Variants in SLC9C1 observed in about 807,000 individuals in gnomAD.
SLC9C1 encodes the protein sodium/hydrogen exchanger 10.
Under a neutral mutation model 140.9 loss-of-function variants are expected in SLC9C1, and 97 were observed. That is an observed-to-expected ratio of 0.69 (90% CI 0.58 to 0.82). SLC9C1 has a LOEUF of 0.82. SLC9C1 is among the 40% of genes least tolerant of loss of function. SLC9C1 has a pLI of 0.00. For missense variants in SLC9C1, 1,340 were observed against 1,389.3 expected (o/e 0.96, Z 0.56); for synonymous variants, 440 against 442.6 (o/e 0.99, Z 0.07).
At chr3:112,193,510 G>A (rs1020311085) in intron 20 of SLC9C1, among the ~76,000 whole-genome samples, 1 of 152,170 alleles carries the variant, frequency 6.6e-6, no homozygotes, top group Non-Finnish European at 1.5e-5. Flanking sequence ...GTAACTTGGG[G>A]CTCTTTCTTG....
At chr3:112,248,856 CA>C (rs1450673987) in intron 10 of SLC9C1, among the ~76,000 whole-genome samples, 3 of 152,052 alleles carry the variant, frequency 2.0e-5, no homozygotes, top group Non-Finnish European at 4.4e-5. Context: ...CTCTATTTCA[CA>C]AAAAGTTTTC....
In SLC9C1 at chr3:112,221,177, C is replaced by G. The variant is rs1393954045; in HGVS notation, c.1621G>C (p.Val541Leu). ...YRNEILSQSA[V>L]QVLVGAAESF... ...TCTGCTGCACCAACCAACACCTGGA[C>G]AGCACTCTGGGACAGAATCTCATTC... The change falls in exon 14 of 29, where the codon GTC becomes CTC. Residue 541 changes from valine (V) to leucine (L), a missense_variant. Physicochemically the swap from Val to Leu is conservative, Grantham distance 32. Transcript: ENST00000305815. 6.2e-7 allele frequency: 1 copy of G among 1,613,630 alleles called. No individual in the cohort carries two copies. The highest frequency in any genetic ancestry group is 1.7e-5 in the Admixed American group (1 of 59,948).
chr3:112,182,283 G>T, intron 20 of SLC9C1, 25 bp from the exon 21 acceptor site: 1 of 1,585,412 alleles, frequency 6.3e-7, no homozygotes, highest in Non-Finnish European at 8.6e-7. Context: ...TTAAGAAAAG[G>T]GATGAACCAA....
chr3:112,185,950 G>T lies in SLC9C1; in HGVS notation c.2524-3692C>A, dbSNP rs1560041801. The T allele has an allele frequency of 3.2e-6, 5 of 1,563,482 alleles. No homozygotes were observed. In the South Asian group the frequency reaches 4.7e-5, roughly 15 times the overall value. ...TAGCCAGGCGGCAGCAGTAGCTTGG[G>T]GTGGTGGGCGACCAGCTCTCTGCTG... is the stretch of plus-strand genomic sequence containing the variant. On this transcript the variant is annotated intron_variant, in intron 20 of 28. Transcript: ENST00000305815.
chr3:112,149,561 T>G (rs757230113), intron 28 of SLC9C1, among the ~76,000 whole-genome samples: 2 of 152,098 alleles, frequency 1.3e-5, no homozygotes, highest in Non-Finnish European at 2.9e-5. Context: ...GAGATCTCCC[T>G]GGGCTTGGAG....
At chr3:112,143,952 C>A (rs772471025) in intron 28 of SLC9C1, among the ~76,000 whole-genome samples, 3 of 151,994 alleles carry the variant, frequency 2.0e-5, no homozygotes, top group Non-Finnish European at 2.9e-5. Context: ...GTTTCAGTTT[C>A]ATTCTTCTGT....
At chr3:112,211,712 C>T (rs984061295) in intron 15 of SLC9C1, among the ~76,000 whole-genome samples, 1 of 152,236 alleles carries the variant, frequency 6.6e-6, no homozygotes, top group East Asian at 1.9e-4. Context: ...GGCCGGGAGG[C>T]TCAAGCTGGG....
chr3:112,262,527 G>A (rs925856345), intron 10 of SLC9C1, among the ~76,000 whole-genome samples: 2 of 151,882 alleles, frequency 1.3e-5, no homozygotes, highest in African/African-American at 4.8e-5. Context: ...TGAGGGTACT[G>A]TTTAGAGTGT....
Position 112,172,263 on chromosome 3 carries a change from G to A in SLC9C1, c.2920-2935C>T, listed in dbSNP as rs138236842. On this transcript the variant is annotated intron_variant, in intron 23 of 28. Transcript: ENST00000305815. ...TTCAGTTATCTAGGAAATATTCTAT[G>A]GTTTTCATTGTAGAGTTATTCCACG... Among the ~76,000 whole-genome samples the A allele has an allele frequency of 8.6e-5, 13 of 151,396 alleles. No individual in the cohort carries two copies. The South Asian group carries it at 2.7e-3, about 32-fold the overall frequency.
intron 12 of SLC9C1, 91 bp from the exon 13 acceptor site, chr3:112,231,577 A>T: frequency 1.5e-6 from 2 of 1,297,778 alleles, no homozygotes; most frequent in Admixed American, 2.4e-5. Flanking sequence ...ACCAGTTTGC[A>T]TTGAAAAATG....
chr3:112,260,597 T>C (rs2079745578), intron 10 of SLC9C1, among the ~76,000 whole-genome samples: 1 of 152,172 alleles, frequency 6.6e-6, no homozygotes, highest in Non-Finnish European at 1.5e-5. Context: ...GCAGTTAATT[T>C]GCTGGCAGGT....
chr3:112,194,065 TG>T (rs1354077354), intron 20 of SLC9C1, among the ~76,000 whole-genome samples: 1 of 152,084 alleles, frequency 6.6e-6, no homozygotes, highest in East Asian at 1.9e-4. Flanking sequence ...GATGGTGCCA[TG>T]GTGCAGCAGC....
intron 2 of SLC9C1, among the ~76,000 whole-genome samples, chr3:112,284,985 C>CCTT (rs2080463051): frequency 9.6e-6 from 1 of 103,864 alleles, no homozygotes; most frequent in Non-Finnish European, 1.8e-5. Flanking sequence ...TACAATTTTT[C>CCTT]TTTTTTTTTT....
At chr3:112,288,814 G>T (rs1018117911) in intron 1 of SLC9C1, among the ~76,000 whole-genome samples, 4 of 151,988 alleles carry the variant, frequency 2.6e-5, no homozygotes, top group African/African-American at 9.7e-5. Context: ...GGTCTGATGG[G>T]CTTCTGCTTG....
chr3:112,241,076 C>T (rs994411378), intron 11 of SLC9C1, among the ~76,000 whole-genome samples: 17 of 152,016 alleles, frequency 1.1e-4, no homozygotes, highest in African/African-American at 3.9e-4. Context: ...AATAAGGTGA[C>T]TATAGTCAAT....
chr3:112,171,735 T>G (rs141453423), intron 23 of SLC9C1, among the ~76,000 whole-genome samples: 1 of 152,362 alleles, frequency 6.6e-6, no homozygotes, highest in East Asian at 1.9e-4. Context: ...CTATAATTTA[T>G]ATAGTTCTAT....
chr3:112,293,036 A>G (rs2080732206), intron 1 of SLC9C1, among the ~76,000 whole-genome samples: 1 of 150,372 alleles, frequency 6.7e-6, no homozygotes, highest in Non-Finnish European at 1.5e-5. Context: ...TGGGAGGCCT[A>G]GGCGGGTGGA....
intron 12 of SLC9C1, among the ~76,000 whole-genome samples, chr3:112,237,610 A>G (rs543216527): frequency 8.5e-5 from 13 of 152,074 alleles, no homozygotes; most frequent in Non-Finnish European, 1.8e-4. Flanking sequence ...GTTCCTTTCC[A>G]GGTTTAGTGC....
chr3:112,214,633 A>AC (rs1417869101), intron 15 of SLC9C1, among the ~76,000 whole-genome samples: 2 of 152,028 alleles, frequency 1.3e-5, no homozygotes, highest in African/African-American at 4.8e-5. Flanking sequence ...ATTCCTGGAC[A>AC]ATACACCCTC....
Sources: allele counts gnomAD v4.1 joint callset (sites outside exome capture counted in the v4.1 genomes callset), GRCh38; gene constraint gnomAD v4.1.1; transcripts MANE v1.5; gene names NCBI Gene and HGNC (gene_info 2026-07-23, HGNC 2026-07-21).